Variants in UGT2B17 observed in about 807,000 individuals in gnomAD.
UGT2B17 encodes UDP glucuronosyltransferase family 2 member B17.
UGT2B17 carries 21 observed loss-of-function variants against 48.2 expected under a neutral mutation model. The observed-to-expected ratio is 0.44, with a 90% CI of 0.31 to 0.63. UGT2B17 has a LOEUF of 0.63. Among genes scored for constraint, UGT2B17 ranks in the 20% least tolerant of loss-of-function variants. UGT2B17 has a pLI of 0.08. For missense variants in UGT2B17, 402 were observed against 696.1 expected (o/e 0.58, Z 4.75); for synonymous variants, 146 against 238.4 (o/e 0.61, Z 3.57).
At chr4:68,557,397 G>T (rs1731021828) in intron 4 of UGT2B17, among the ~76,000 whole-genome samples, 1 of 124,734 alleles carries the variant, frequency 8.0e-6, no homozygotes, top group Non-Finnish European at 1.7e-5. Flanking sequence ...AAACTTTCAG[G>T]ACTCATGGAG....
rs1731067364 is a variant in UGT2B17, at chr4:68,559,688, A to T, written c.1005+849T>A. Among the ~76,000 whole-genome samples the T allele has an allele frequency of 1.6e-5, 2 of 126,168 alleles. 1 individual carries two copies. The highest frequency in any genetic ancestry group is 5.5e-5 in the African/African-American group (2 of 36,666). The allele number at this position is 126,168 out of a possible 152,430, so 82.8% of individuals were successfully genotyped here. On this transcript the variant is annotated intron_variant, in intron 4 of 6. Coordinates refer to ENST00000317746, the MANE Select transcript of UGT2B17 (RefSeq NM_001077.4). ...AAACGTAAATTGAAAATACACAAAG[A>T]TTGTAGGTATATTCTATAGATTAGA...
rs1301584207 is a variant in UGT2B17 at position 68,571,142 on chromosome 4, C to T, written c.-64-2594G>A. Among the ~76,000 whole-genome samples the T allele has an allele frequency of 2.4e-5, 3 of 125,420 alleles. 1 individual carries two copies. Among genetic ancestry groups the T allele is most frequent in the African/African-American group, 8.2e-5 (3 of 36,518 alleles). 82.3% of individuals were successfully genotyped at this position (125,420 alleles called of 152,430 possible). ...CATGTAGATGGGGGTCCAATATCCT[C>T]ATGAGCCATCTTGTGCCTAAGTGGC... On this transcript the variant is annotated intron_variant, in intron 1 of 6. Coordinates refer to ENST00000317746, the MANE Select transcript of UGT2B17 (RefSeq NM_001077.4).
chr4:68,570,821 A>G lies in UGT2B17; in HGVS notation c.-64-2273T>C, dbSNP rs930388774. On this transcript the variant is annotated intron_variant, in intron 1 of 6. Coordinates refer to ENST00000317746, the MANE Select transcript of UGT2B17 (RefSeq NM_001077.4). Reference sequence around the variant, plus strand: ...TCTAGTGCTGGGAACCACTTTCTAAACATGGCTTCAGGGTTGAATCCGTGC... The same window carrying G: ...TCTAGTGCTGGGAACCACTTTCTAAGCATGGCTTCAGGGTTGAATCCGTGC... Among the ~76,000 whole-genome samples, 5 of 126,564 alleles carry G rather than the reference A, an allele frequency of 4.0e-5. 2 individuals carry two copies. Among genetic ancestry groups the G allele is most frequent in the African/African-American group, 1.1e-4 (4 of 36,864 alleles). 83.0% of individuals were successfully genotyped at this position (126,564 alleles called of 152,430 possible).
At chr4:68,554,535 T>TC (rs1730968786) in intron 4 of UGT2B17, among the ~76,000 whole-genome samples, 1 of 126,042 alleles carries the variant, frequency 7.9e-6, no homozygotes, top group African/African-American at 2.7e-5. Flanking sequence ...TGCAAGCTGG[T>TC]GATTTTTTTT....
chr4:68,575,509 T>A (rs56041913), intron 1 of UGT2B17, among the ~76,000 whole-genome samples: 113,013 of 123,664 alleles, frequency 0.91, 54,082 homozygotes, highest in East Asian at 1. Context: ...AAATTCATTA[T>A]CATAGTTCCC....
chr4:68,550,824 A>G lies in UGT2B17; in HGVS notation c.1166T>C (p.Ile389Thr), dbSNP rs571014866. The G allele has an allele frequency of 8.7e-6, 12 of 1,384,680 alleles. 3 individuals carry two copies. In the African/African-American group the frequency reaches 1.5e-4, roughly 17 times the overall value. The allele number at this position is 1,384,680 out of a possible 1,614,324, so 85.8% of individuals were successfully genotyped here. Residue 389 changes from isoleucine to threonine, a missense_variant, in exon 6 of 7, where the codon ATC becomes ACC. Coordinates refer to ENST00000317746, the MANE Select transcript of UGT2B17 (RefSeq NM_001077.4). ...NGIYEAIYHG[I>T]PMVGIPLFAD... is the part of the protein sequence containing the mutation. ...AAACAAGGGAATGCCCACCATAGGG[A>G]TCCCATGGTAGATTGCCTCATAGAT...
chr4:68,573,537 C>T lies in UGT2B17; in HGVS notation c.-65+2414G>A, dbSNP rs1731326374. 1.6e-5 allele frequency among the ~76,000 whole-genome samples: 2 copies of T among 126,184 alleles called. 1 individual carries two copies. Among genetic ancestry groups the T allele is most frequent in the African/African-American group, 5.4e-5 (2 of 36,720 alleles). 82.8% of individuals were successfully genotyped at this position (126,184 alleles called of 152,430 possible). On this transcript the variant is annotated intron_variant, in intron 1 of 6. Coordinates refer to ENST00000317746, the MANE Select transcript of UGT2B17 (RefSeq NM_001077.4). Reference sequence around the variant, plus strand: ...TGATCTGGTATTCCTTGCAGGGCTTCGATTGCATCTAAATAGATGTGAGAG... The same window carrying T: ...TGATCTGGTATTCCTTGCAGGGCTTTGATTGCATCTAAATAGATGTGAGAG...
intron 6 of UGT2B17, among the ~76,000 whole-genome samples, chr4:68,543,949 C>T (rs1462896426): frequency 1.6e-5 from 2 of 125,854 alleles, no homozygotes; most frequent in Non-Finnish European, 3.4e-5. Context: ...ACCAAATCTA[C>T]ATCTGATTGG....
chr4:68,565,155 G>A (rs1428081807), intron 3 of UGT2B17, among the ~76,000 whole-genome samples: 1 of 125,738 alleles, frequency 8.0e-6, no homozygotes, highest in Non-Finnish European at 1.7e-5. Context: ...ACACTTTTTA[G>A]ACTTTTCTTT....
At chr4:68,546,752 A>C (rs1730818630) in intron 6 of UGT2B17, among the ~76,000 whole-genome samples, 1 of 125,612 alleles carries the variant, frequency 8.0e-6, no homozygotes, top group Non-Finnish European at 1.7e-5. Flanking sequence ...ATCAATGTGC[A>C]AAAATCACAA....
chr4:68,564,291 TA>T lies in UGT2B17; in HGVS notation c.873+1280del, dbSNP rs1297617550. 1.9e-3 allele frequency among the ~76,000 whole-genome samples: 167 copies of T among 86,984 alleles called. 22 individuals carry two copies. The highest frequency in any genetic ancestry group is 4.8e-3 in the African/African-American group (75 of 15,538). The allele number at this position is 86,984 out of a possible 152,430, so 57.1% of individuals were successfully genotyped here. On this transcript the variant is annotated intron_variant, in intron 3 of 6. Coordinates refer to ENST00000317746, the MANE Select transcript of UGT2B17 (RefSeq NM_001077.4). Reference sequence around the variant, plus strand: ...CAAATTTCATATATATATATATATATATATTTTTTTTTTTTGAGACAGAGTC... The same window carrying T: ...CAAATTTCATATATATATATATATATTATTTTTTTTTTTTGAGACAGAGTC...
Position 68,550,011 on chromosome 4 carries a change from G to A in UGT2B17, c.1313+666C>T, listed in dbSNP as rs577871733. Among the ~76,000 whole-genome samples, 24 of 125,114 alleles carry A rather than the reference G, an allele frequency of 1.9e-4. 8 individuals are homozygous for A. In the South Asian group the frequency reaches 9.1e-3, roughly 47 times the overall value. The allele number at this position is 125,114 out of a possible 152,430, so 82.1% of individuals were successfully genotyped here. On this transcript the variant is annotated intron_variant, in intron 6 of 6. Coordinates refer to ENST00000317746, the MANE Select transcript of UGT2B17 (RefSeq NM_001077.4). ...CTAAAAATAATTATGCTAAGTGAAAGAAGTCGTTTACAAAACACTATAAAT... is the reference window on the plus strand; with the variant it reads ...CTAAAAATAATTATGCTAAGTGAAAAAAGTCGTTTACAAAACACTATAAAT...
At position 68,565,762 on chromosome 4, in the gene UGT2B17, G is replaced by A. The variant is rs1326249657; in HGVS notation, c.725-42C>T. The A allele has an allele frequency of 2.3e-6, 3 of 1,310,376 alleles. 1 individual carries two copies. The highest frequency in any genetic ancestry group is 2.9e-6 in the Non-Finnish European group (3 of 1,018,080). The allele number at this position is 1,310,376 out of a possible 1,614,324, so 81.2% of individuals were successfully genotyped here. ...AAACAAAACAAAAGGTAGCTAACAC[G>A]AGAATTGTTATTTTAATATTGAATA... On this transcript the variant is annotated intron_variant, in intron 2 of 6. Transcript: ENST00000317746.
At position 68,573,091 on chromosome 4, in the gene UGT2B17, A is replaced by T. The variant is rs1478408328; in HGVS notation, c.-65+2860T>A. On this transcript the variant is annotated intron_variant, in intron 1 of 6. Coordinates refer to ENST00000317746, the MANE Select transcript of UGT2B17 (RefSeq NM_001077.4). ...CTAATGATGTCCTTTGGTATTTATT[A>T]AAATTACCACAGCATGGGGAGACTT... Among the ~76,000 whole-genome samples, 2 of 127,754 alleles carry T rather than the reference A, an allele frequency of 1.6e-5. 1 individual carries two copies. Among genetic ancestry groups the T allele is most frequent in the African/African-American group, 5.4e-5 (2 of 37,298 alleles). The allele number at this position is 127,754 out of a possible 152,430, so 83.8% of individuals were successfully genotyped here. A position where few individuals can be genotyped will look rare whatever the true frequency, so the allele number is the denominator to read the frequency against.
At chr4:68,540,015 A>G (rs552981294) in intron 6 of UGT2B17, among the ~76,000 whole-genome samples, 2 of 123,018 alleles carry the variant, frequency 1.6e-5, no homozygotes, top group Non-Finnish European at 3.4e-5. Flanking sequence ...CGAACTCCTG[A>G]CCAAATGTGA....
intron 3 of UGT2B17, among the ~76,000 whole-genome samples, chr4:68,563,765 T>G (rs1731144727): frequency 8.0e-6 from 1 of 125,672 alleles, no homozygotes; most frequent in Non-Finnish European, 1.7e-5. Context: ...GCCTCCACCT[T>G]TGCAATACAA....
In UGT2B17 at chr4:68,561,153, G is replaced by A. The variant is rs1236010789; in HGVS notation, c.874-485C>T. ...CATTGGAGCCATTACATGACTATGA[G>A]CAATGAGGAAAAGTTAGTTACAATT... is the stretch of plus-strand genomic sequence containing the variant. On this transcript the variant is annotated intron_variant, in intron 3 of 6. Coordinates refer to ENST00000317746, the MANE Select transcript of UGT2B17 (RefSeq NM_001077.4). Among the ~76,000 whole-genome samples the A allele has an allele frequency of 2.4e-5, 3 of 122,924 alleles. 1 individual carries two copies. Among genetic ancestry groups the A allele is most frequent in the Admixed American group, 8.5e-5 (1 of 11,814 alleles). 80.6% of individuals were successfully genotyped at this position (122,924 alleles called of 152,430 possible).
intron 6 of UGT2B17, among the ~76,000 whole-genome samples, chr4:68,541,575 G>A (rs546819693): frequency 7.9e-6 from 1 of 125,930 alleles, no homozygotes; most frequent in Non-Finnish European, 1.7e-5. Context: ...TTGCAAAAAT[G>A]TTCCCTCATT....
chr4:68,569,910 T>G lies in UGT2B17; in HGVS notation c.-64-1362A>C, dbSNP rs1436122216. Among the ~76,000 whole-genome samples the G allele has an allele frequency of 1.6e-5, 2 of 126,524 alleles. 1 individual carries two copies. The highest frequency in any genetic ancestry group is 3.4e-5 in the Non-Finnish European group (2 of 59,580). The allele number at this position is 126,524 out of a possible 152,430, so 83.0% of individuals were successfully genotyped here. On this transcript the variant is annotated intron_variant, in intron 1 of 6. Coordinates refer to ENST00000317746, the MANE Select transcript of UGT2B17 (RefSeq NM_001077.4). ...CACTGCCTCGTGTTGTCTGTTGGCA[T>G]GCTCTCAGGGATCAAACCAATTCAA...
Sources: gnomAD v4.1 joint callset for allele counts (sites outside exome capture counted in the v4.1 genomes callset) on GRCh38, gnomAD v4.1.1 for gene constraint, MANE v1.5 for transcripts, NCBI Gene and HGNC (gene_info 2026-07-23, HGNC 2026-07-21) for gene names.